FNDC1: variants seen among roughly 807,000 people sequenced by gnomAD.
The protein encoded by FNDC1 is fibronectin type III domain-containing protein 1.
In FNDC1, 96 loss-of-function variants were observed where a neutral mutation model predicts 168.0. The ratio of observed to expected loss-of-function variants is 0.57; its 90% CI spans 0.48 to 0.68. FNDC1 has a LOEUF of 0.68. FNDC1 is among the 30% of genes least tolerant of loss of function. The pLI is 0.00. For missense variants in FNDC1, 2,587 were observed against 2,482.1 expected, an observed-to-expected ratio of 1.04 and a Z score of -0.90; for synonymous variants, 1,099 against 1,025.9, an observed-to-expected ratio of 1.07 and a Z score of -1.36.
intron 7 of FNDC1, among the ~76,000 whole-genome samples, chr6:159,224,767 C>G (rs763993640): frequency 2.0e-5 from 3 of 152,162 alleles, no homozygotes; most frequent in Non-Finnish European, 4.4e-5. Context: ...TTCAGTATAA[C>G]AAATAGCACA....
Position 159,197,725 on chromosome 6 carries a change from T to C in FNDC1, c.304+100T>C, listed in dbSNP as rs1300503536. Reference sequence around the variant, plus strand: ...ACTGTGAGACAACCCATGGCTGGGCTCAAGGTCCCTTACGGTTCTTTGGGA... The same window carrying C: ...ACTGTGAGACAACCCATGGCTGGGCCCAAGGTCCCTTACGGTTCTTTGGGA... On this transcript the variant is annotated intron_variant, in intron 2 of 22. Transcript: ENST00000297267. 5 of 1,101,396 alleles carry C rather than the reference T, an allele frequency of 4.5e-6. No homozygotes were observed. In the African/African-American group the frequency reaches 6.3e-5, roughly 14 times the overall value. The allele number at this position is 1,101,396 out of a possible 1,614,324, so 68.2% of individuals were successfully genotyped here.
At chr6:159,189,207 T>G (rs1048174466) in intron 1 of FNDC1, among the ~76,000 whole-genome samples, 6 of 152,190 alleles carry the variant, frequency 3.9e-5, no homozygotes, top group Admixed American at 6.5e-5. Flanking sequence ...AGCTGGCCTT[T>G]GGGATGCCTA....
At position 159,241,315 on chromosome 6, in the gene FNDC1, C is replaced by T. The variant is rs9346783; in HGVS notation, c.4621+1358C>T. Among the ~76,000 whole-genome samples the T allele has an allele frequency of 2.6e-3, 391 of 152,262 alleles. 9 individuals are homozygous for T. In the East Asian group the frequency reaches 0.063, roughly 24 times the overall value. ...ACTATTTTGGATTTGATTTTAATTA[C>T]GGCTGCTATTATTTCACATTTTATT... On this transcript the variant is annotated intron_variant, in intron 14 of 22. Coordinates refer to ENST00000297267, the MANE Select transcript of FNDC1 (RefSeq NM_032532.3).
intron 14 of FNDC1, among the ~76,000 whole-genome samples, chr6:159,241,654 A>G (rs1230643548): frequency 6.6e-6 from 1 of 152,254 alleles, no homozygotes; most frequent in Non-Finnish European, 1.5e-5. Flanking sequence ...GTTAGTTTAA[A>G]AAGACTTCCA....
chr6:159,260,517 GA>G (rs1322916111), intron 18 of FNDC1, among the ~76,000 whole-genome samples: 1 of 152,072 alleles, frequency 6.6e-6, no homozygotes, highest in Non-Finnish European at 1.5e-5. Flanking sequence ...CTCTTTCCTT[GA>G]GGCGCAGAAG....
chr6:159,207,976 T>G (rs1033994137), intron 4 of FNDC1, among the ~76,000 whole-genome samples: 1 of 152,214 alleles, frequency 6.6e-6, no homozygotes, highest in Admixed American at 6.5e-5. Context: ...CCATTAAGAT[T>G]GGAAAAAGAT....
In FNDC1 at chr6:159,169,652, C is replaced by A. The variant is rs906436665; in HGVS notation, c.56C>A (p.Ala19Glu). The change falls in exon 1 of 23, where the codon GCG becomes GAG. Residue 19 changes from alanine to glutamate, a missense_variant. Transcript: ENST00000297267. This position sits in a 1 kb window ranked among gnomAD's most constrained non-coding sequence, Gnocchi z 6.8. ...GCGCCGCGCCGGCTGTCCTGGGCGG[C>A]GCTGCTGCTCTTGGCCGCGCTGCTC... The part of the protein sequence containing the change: ...LRAPRRLSWA[A>E]LLLLAALLPV... The A allele has an allele frequency of 8.6e-7, 1 of 1,161,568 alleles. No homozygotes were observed. Among genetic ancestry groups the A allele is most frequent in the Non-Finnish European group, 1.1e-6 (1 of 943,930 alleles). The allele number at this position is 1,161,568 out of a possible 1,614,324, so 72.0% of individuals were successfully genotyped here. A position where few individuals can be genotyped will look rare whatever the true frequency, so the allele number is the denominator to read the frequency against.
chr6:159,269,455 CATCT>C (rs71033526), intron 22 of FNDC1, among the ~76,000 whole-genome samples: 13,695 of 93,380 alleles, frequency 0.15, 1,795 homozygotes, highest in East Asian at 0.26. Context: ...TACCTATTCA[CATCT>C]ATCTATCTAT....
intron 4 of FNDC1, among the ~76,000 whole-genome samples, chr6:159,206,949 C>T (rs750639415): frequency 5.9e-5 from 9 of 152,296 alleles, no homozygotes; most frequent in Non-Finnish European, 1.0e-4. Flanking sequence ...AGCTGCCTCT[C>T]ATGTTAAAAT....
chr6:159,244,217 A>C (rs1405633670), intron 14 of FNDC1, among the ~76,000 whole-genome samples: 1 of 152,246 alleles, frequency 6.6e-6, no homozygotes, highest in Non-Finnish European at 1.5e-5. Flanking sequence ...AGATAATCCC[A>C]AAGTTTACAG....
At chr6:159,174,139 T>C (rs1781715426) in intron 1 of FNDC1, among the ~76,000 whole-genome samples, 1 of 152,382 alleles carries the variant, frequency 6.6e-6, no homozygotes, top group African/African-American at 2.4e-5. Flanking sequence ...TATGTATGTG[T>C]ATGTATTTAC....
intron 4 of FNDC1, among the ~76,000 whole-genome samples, chr6:159,210,803 C>A (rs957688558): frequency 6.6e-6 from 1 of 152,242 alleles, no homozygotes; most frequent in East Asian, 1.9e-4. Flanking sequence ...TGTCCTGCCC[C>A]CATCTGGCTA....
chr6:159,182,046 A>G (rs1316224636), intron 1 of FNDC1, among the ~76,000 whole-genome samples: 3 of 152,224 alleles, frequency 2.0e-5, no homozygotes, highest in African/African-American at 7.2e-5. Context: ...AATAATTCTC[A>G]GAATCCACAT....
intron 1 of FNDC1, among the ~76,000 whole-genome samples, chr6:159,188,369 C>CTTT (rs61551779): frequency 5.1e-4 from 66 of 128,658 alleles, no homozygotes; most frequent in South Asian, 1.3e-3. Flanking sequence ...CAATTTCTTT[C>CTTT]TTTTTTTTTT....
chr6:159,225,577 G>A lies in FNDC1; in HGVS notation c.927G>A (p.Arg309=), dbSNP rs73595480. ...ATCGAGAGAAGGGGGAATTGGCCAG[G>A]TGGGATTATAAGCAGATCGCTAACA... ...VRYREKGELA[R]WDYKQIANRR... The change falls in exon 8 of 23, where the codon AGG becomes AGA. Residue 309 remains arginine, a synonymous_variant. Transcript: ENST00000297267. The A allele has an allele frequency of 4.2e-4, 670 of 1,613,826 alleles. 5 individuals carry two copies. In the African/African-American group the frequency reaches 6.1e-3, roughly 15 times the overall value.
chr6:159,224,464 G>A (rs1782909638), intron 7 of FNDC1, among the ~76,000 whole-genome samples: 1 of 151,974 alleles, frequency 6.6e-6, no homozygotes, highest in Admixed American at 6.6e-5. Context: ...AAAACGAATG[G>A]GATATGATGA....
intron 13 of FNDC1, among the ~76,000 whole-genome samples, chr6:159,238,975 A>G (rs958150249): frequency 6.6e-6 from 1 of 152,162 alleles, no homozygotes; most frequent in Non-Finnish European, 1.5e-5. Context: ...TGTAAGACCC[A>G]TGAGCTCAGA....
intron 1 of FNDC1, among the ~76,000 whole-genome samples, chr6:159,171,979 G>A (rs138756462): frequency 1.3e-5 from 2 of 152,262 alleles, no homozygotes; most frequent in African/African-American, 2.4e-5. Context: ...GGTAAACTGC[G>A]GGTGTCTTAC....
At chr6:159,236,468 A>C (rs1232174322) in intron 12 of FNDC1, among the ~76,000 whole-genome samples, 153 bp downstream of exon 12, 1 of 152,184 alleles carries the variant, frequency 6.6e-6, no homozygotes, top group African/African-American at 2.4e-5. Flanking sequence ...GTTTATTTTA[A>C]TACTCGGAAA....
Sources: allele counts gnomAD v4.1 joint callset (sites outside exome capture counted in the v4.1 genomes callset), GRCh38; gene constraint gnomAD v4.1.1; non-coding constraint Gnocchi (gnomAD v3.1); transcripts MANE v1.5; gene names NCBI Gene and HGNC (gene_info 2026-07-23, HGNC 2026-07-21).